The following BRCA1 variants were observed in gnomAD, a reference collection of about 807,000 sequenced individuals.
BRCA1 encodes breast cancer type 1 susceptibility protein.
In BRCA1, 140 loss-of-function variants were observed where a neutral mutation model predicts 173.7. The observed-to-expected ratio is 0.81, with a 90% CI of 0.70 to 0.93. The LOEUF (loss-of-function observed/expected upper bound fraction) is 0.93. Among genes scored for constraint, BRCA1 ranks in the 40% least tolerant of loss-of-function variants. BRCA1 has a pLI of 0.00. For synonymous variants in BRCA1, 662 were observed against 756.0 expected (o/e 0.88, Z 2.04); for missense variants, 1,983 against 2,172.5 (o/e 0.91, Z 1.73).
chr17:43,079,616 A>G (rs189643446), intron 12 of BRCA1: 18 of 835,446 alleles, frequency 2.2e-5, no homozygotes, highest in Admixed American at 1.9e-4. Context: ...CAGCTTCCTG[A>G]AACGCGTGAA....
At chr17:43,147,592 G>C (rs184655101) in intron 1 of BRCA1, among the ~76,000 whole-genome samples, 10 of 152,328 alleles carry the variant, frequency 6.6e-5, no homozygotes, top group African/African-American at 2.2e-4. Context: ...ACACGTGTAA[G>C]CCATCCCGCC....
rs2050891161 is a variant in BRCA1, at chr17:43,045,808, G to A, written c.5468-6C>T. On this transcript the variant is annotated splice_region_variant and splice_polypyrimidine_tract_variant and intron_variant, in intron 22 of 22. Coordinates refer to ENST00000357654, the MANE Select transcript of BRCA1 (RefSeq NM_007294.4). ...CTCACACATCTGCCCAATTGCTGGAGACAGAGAACACAAGCAGAGATTAGT... is the reference window on the plus strand; with the variant it reads ...CTCACACATCTGCCCAATTGCTGGAAACAGAGAACACAAGCAGAGATTAGT... 1 of 1,613,896 alleles carries A rather than the reference G, an allele frequency of 6.2e-7. No homozygotes were observed. The highest frequency in any genetic ancestry group is 8.5e-7 in the Non-Finnish European group (1 of 1,179,902).
At chr17:43,096,997 T>G (rs1000126190) in intron 8 of BRCA1, among the ~76,000 whole-genome samples, 2 of 151,992 alleles carry the variant, frequency 1.3e-5, no homozygotes, top group African/African-American at 4.8e-5. Flanking sequence ...GGGAGGAAGG[T>G]GGGAAGAGGG....
Position 43,090,023 on chromosome 17 carries a change from G to T in BRCA1, c.4185+921C>A, listed in dbSNP as rs530393009. On this transcript the variant is annotated intron_variant, in intron 11 of 22. Coordinates refer to ENST00000357654, the MANE Select transcript of BRCA1 (RefSeq NM_007294.4). The stretch of plus-strand genomic sequence containing the variant: ...GACCCTGTGTCAAAGAAACCAAAAA[G>T]AAAAAAATAACTAGATTTTAAAAGG... Among the ~76,000 whole-genome samples, 9 of 136,802 alleles carry T rather than the reference G, an allele frequency of 6.6e-5. 2 individuals carry two copies. Among genetic ancestry groups the T allele is most frequent in the African/African-American group, 2.4e-4 (9 of 36,870 alleles). 89.7% of individuals were successfully genotyped at this position (136,802 alleles called of 152,430 possible).
At chr17:43,060,752 C>T (rs1268059925) in intron 18 of BRCA1, among the ~76,000 whole-genome samples, 1 of 152,018 alleles carries the variant, frequency 6.6e-6, no homozygotes, top group Non-Finnish European at 1.5e-5. Context: ...AGTGATTTGC[C>T]TGCCTTGGCT....
Position 43,061,643 on chromosome 17 carries a change from T to C in BRCA1, c.5193+1690A>G, listed in dbSNP as rs8176268. ...TGTCTCACAGGCTGGAGTGCAGTGG[T>C]GCAATCTAGGCTCACTGCAACCTCC... On this transcript the variant is annotated intron_variant, in intron 18 of 22. Coordinates refer to ENST00000357654, the MANE Select transcript of BRCA1 (RefSeq NM_007294.4). 0.31 allele frequency among the ~76,000 whole-genome samples: 46,990 copies of C among 151,380 alleles called. 7,668 individuals carry two copies. Among genetic ancestry groups the C allele is most frequent in the South Asian group, 0.49 (2,355 of 4,786 alleles).
chr17:43,084,621 T>C (rs1374843811), intron 11 of BRCA1, among the ~76,000 whole-genome samples: 1 of 152,242 alleles, frequency 6.6e-6, no homozygotes, highest in African/African-American at 2.4e-5. Flanking sequence ...ACAAGCCATC[T>C]TCTTTCTCCT....
chr17:43,137,433 T>A (rs1478485723), intron 1 of BRCA1, among the ~76,000 whole-genome samples: 97 of 140,974 alleles, frequency 6.9e-4, no homozygotes, highest in Non-Finnish European at 1.1e-3. Context: ...TAATAATAAT[T>A]AAAAAAAAAA....
chr17:43,145,017 C>G, intron 1 of BRCA1: 1 of 698,064 alleles, frequency 1.4e-6, no homozygotes, highest in Non-Finnish European at 2.7e-6. Context: ...AAGAGGAGAT[C>G]AGCGCAATTG....
At chr17:43,077,032 C>T (rs2052765381) in intron 12 of BRCA1, among the ~76,000 whole-genome samples, 1 of 152,042 alleles carries the variant, frequency 6.6e-6, no homozygotes, top group Non-Finnish European at 1.5e-5. Flanking sequence ...TTATTTTCTC[C>T]ATCCCTACTG....
intron 1 of BRCA1, among the ~76,000 whole-genome samples, chr17:43,147,911 G>C (rs12950607): frequency 0.32 from 48,084 of 151,900 alleles, 7,943 homozygotes; most frequent in South Asian, 0.49. Context: ...GAACAGGCAC[G>C]ACAAACTTTC....
chr17:43,138,304 T>C, intron 1 of BRCA1: 1 of 335,808 alleles, frequency 3.0e-6, no homozygotes, highest in South Asian at 3.8e-5. Context: ...CGATACTATA[T>C]GGCCTGCGGA....
chr17:43,127,918 G>A (rs796282508), upstream of BRCA1, among the ~76,000 whole-genome samples: 9 of 151,738 alleles, frequency 5.9e-5, no homozygotes, highest in African/African-American at 2.2e-4. Context: ...CCTCTACTGG[G>A]GAGGTTGAGG....
At chr17:43,067,968 T>C (rs1371527544) in intron 15 of BRCA1, among the ~76,000 whole-genome samples, 1 of 150,706 alleles carries the variant, frequency 6.6e-6, no homozygotes, top group Non-Finnish European at 1.5e-5. Context: ...AGGGTACATT[T>C]AAAAAATTCT....
chr17:43,084,530 G>A (rs1567784681), intron 11 of BRCA1, among the ~76,000 whole-genome samples: 1 of 152,182 alleles, frequency 6.6e-6, no homozygotes, highest in Admixed American at 6.5e-5. Flanking sequence ...AAAGTCCAGT[G>A]GGGGAGTAGG....
At chr17:43,109,011 A>G (rs2054919911) in intron 3 of BRCA1, among the ~76,000 whole-genome samples, 1 of 152,046 alleles carries the variant, frequency 6.6e-6, no homozygotes, top group Non-Finnish European at 1.5e-5. Context: ...AAACAAAACA[A>G]AACAAAAAAA....
At chr17:43,137,430 AATT>A (rs1467877068) in intron 1 of BRCA1, among the ~76,000 whole-genome samples, 1 of 142,272 alleles carries the variant, frequency 7.0e-6, no homozygotes, top group Non-Finnish European at 1.5e-5. Flanking sequence ...GTATAATAAT[AATT>A]AAAAAAAAAA....
intron 14 of BRCA1, among the ~76,000 whole-genome samples, chr17:43,071,642 A>G (rs1332472636): frequency 6.6e-6 from 1 of 152,192 alleles, no homozygotes; most frequent in African/African-American, 2.4e-5. Flanking sequence ...TGTACAATAA[A>G]ACAGAAATGT....
At chr17:43,102,740 T>C (rs556333401) in intron 6 of BRCA1, among the ~76,000 whole-genome samples, 1 of 151,306 alleles carries the variant, frequency 6.6e-6, no homozygotes, top group African/African-American at 2.4e-5. Flanking sequence ...GTAGTCTACA[T>C]CTCCTGGACT....
Sources: allele counts gnomAD v4.1 joint callset (sites outside exome capture counted in the v4.1 genomes callset), GRCh38; gene constraint gnomAD v4.1.1; transcripts MANE v1.5; gene names NCBI Gene and HGNC (gene_info 2026-07-23, HGNC 2026-07-21).